Variants in PLG observed in about 807,000 individuals in gnomAD.
PLG encodes the protein plasminogen.
A neutral mutation model predicts 104.4 loss-of-function variants in PLG; 41 were observed. The observed-to-expected ratio is 0.39, with a 90% confidence interval of 0.31 to 0.51. The LOEUF is 0.51. PLG is among the 20% of genes least tolerant of loss of function. PLG has a pLI of 0.76. For missense variants in PLG, 891 were observed against 1,003.6 expected, an observed-to-expected ratio of 0.89 and a Z score of 1.52; for synonymous variants, 337 against 357.1, an observed-to-expected ratio of 0.94 and a Z score of 0.63.
chr6:160,713,419 G>A, intron 5 of PLG: 1 of 367,780 alleles, frequency 2.7e-6, no homozygotes, highest in Non-Finnish European at 5.2e-6. Flanking sequence ...ACAGGCATGT[G>A]CCACCATGCC....
rs1233355679 is a variant in PLG, at chr6:160,737,421, A to G, written c.1802+414A>G. On this transcript the variant is annotated intron_variant, in intron 14 of 18. Transcript: ENST00000308192. The surrounding 1 kb of genome is among the most constrained non-coding windows in gnomAD (Gnocchi z 4.7). ...GCAAGGACAAAATTATCTCCAGTCT[A>G]TCACAGGCACAGATTCTTTTTCTTT... 2.0e-5 allele frequency among the ~76,000 whole-genome samples: 3 copies of G among 152,222 alleles called. No individual in the cohort carries two copies. Among genetic ancestry groups the G allele is most frequent in the Non-Finnish European group, 4.4e-5 (3 of 68,048 alleles).
rs1261904934 is a variant in PLG, at chr6:160,744,288, C to G, written c.2125+2871C>G. 3.3e-5 allele frequency among the ~76,000 whole-genome samples: 5 copies of G among 152,226 alleles called. No homozygotes were observed. The East Asian group carries it at 9.6e-4, about 29-fold the overall frequency. On this transcript the variant is annotated intron_variant, in intron 17 of 18. Coordinates refer to ENST00000308192, the MANE Select transcript of PLG (RefSeq NM_000301.5). This position sits in a 1 kb window ranked among gnomAD's most constrained non-coding sequence, Gnocchi z 4.5. ...AATTCAGCTGTGAATCTATCTGGTC[C>G]TGGGCTTTTGTTGGTTAGTAGGCTA...
intron 17 of PLG, among the ~76,000 whole-genome samples, chr6:160,742,599 T>C (rs1778213298): frequency 6.6e-6 from 1 of 152,156 alleles, no homozygotes; most frequent in Admixed American, 6.5e-5. Flanking sequence ...TTCTCTAGGT[T>C]TTCCCTTTAC....
Position 160,739,298 on chromosome 6 carries a change from T to C in PLG, c.2018+90T>C, listed in dbSNP as rs1236479674. 74 of 1,524,914 alleles carry C rather than the reference T, an allele frequency of 4.9e-5. No homozygotes were observed. Among genetic ancestry groups the C allele is most frequent in the African/African-American group, 1.4e-5 (1 of 73,168 alleles). 94.5% of individuals were successfully genotyped at this position (1,524,914 alleles called of 1,614,324 possible). ...ATGGGCCATGGCCACTGCATGGCAGTGGGGAGGAACTGTCTATCACATGAA... is the reference window on the plus strand; with the variant it reads ...ATGGGCCATGGCCACTGCATGGCAGCGGGGAGGAACTGTCTATCACATGAA... On this transcript the variant is annotated intron_variant, in intron 16 of 18. Transcript: ENST00000308192. This position sits in a 1 kb window ranked among gnomAD's most constrained non-coding sequence, Gnocchi z 4.4.
In PLG at chr6:160,752,863, C is replaced by T. The variant is rs982597797; in HGVS notation, c.2272-37C>T. 7.5e-6 allele frequency: 12 copies of T among 1,610,596 alleles called. No individual in the cohort carries two copies. The African/African-American group carries it at 1.6e-4, about 22-fold the overall frequency. On this transcript the variant is annotated intron_variant, in intron 18 of 18. Coordinates refer to ENST00000308192, the MANE Select transcript of PLG (RefSeq NM_000301.5). This position sits in a 1 kb window ranked among gnomAD's most constrained non-coding sequence, Gnocchi z 4.7. ...CATCCCATAATAAAAGGCAGGCAGCCTAACCCTCACATGCATTTTTCTCTC... is the reference window on the plus strand; with the variant it reads ...CATCCCATAATAAAAGGCAGGCAGCTTAACCCTCACATGCATTTTTCTCTC...
intron 17 of PLG, among the ~76,000 whole-genome samples, chr6:160,750,530 C>T (rs1050448612): frequency 6.6e-6 from 1 of 152,230 alleles, no homozygotes; most frequent in Non-Finnish European, 1.5e-5. Flanking sequence ...CCTCACACAA[C>T]TACACAGTCC....
At chr6:160,707,626 C>A (rs572004723) in intron 2 of PLG, 74 bp from the exon 3 acceptor site, 21 of 1,415,820 alleles carry the variant, frequency 1.5e-5, no homozygotes, top group Non-Finnish European at 2.1e-5. Flanking sequence ...TTTAGCATGT[C>A]TCACTTATTA....
chr6:160,712,524 G>A (rs1466225476), intron 4 of PLG, among the ~76,000 whole-genome samples: 7 of 152,150 alleles, frequency 4.6e-5, no homozygotes, highest in Admixed American at 4.6e-4. Flanking sequence ...CTGTAAAATA[G>A]GGATAATAAC....
In PLG at chr6:160,707,691, G is replaced by C. The variant is rs371083243; in HGVS notation, c.186-9G>C. On this transcript the variant is annotated splice_polypyrimidine_tract_variant and intron_variant, in intron 2 of 18. Coordinates refer to ENST00000308192, the MANE Select transcript of PLG (RefSeq NM_000301.5). ...AAATACTTATTGGATTTCCTGCTTCGTTCTGCAGGGCATTCCAATATCACA... is the reference window on the plus strand; with the variant it reads ...AAATACTTATTGGATTTCCTGCTTCCTTCTGCAGGGCATTCCAATATCACA... 1 of 1,597,590 alleles carries C rather than the reference G, an allele frequency of 6.3e-7. No homozygotes were observed. The highest frequency in any genetic ancestry group is 8.6e-7 in the Non-Finnish European group (1 of 1,166,764).
In PLG at chr6:160,738,994, A is replaced by G. The variant is rs1778137937; in HGVS notation, c.1878-74A>G. On this transcript the variant is annotated intron_variant, in intron 15 of 18. Coordinates refer to ENST00000308192, the MANE Select transcript of PLG (RefSeq NM_000301.5). This position sits in a 1 kb window ranked among gnomAD's most constrained non-coding sequence, Gnocchi z 6.8. The stretch of plus-strand genomic sequence containing the variant: ...TGGCCAAGGGTGTCAGGGAGACAGC[A>G]CCAATTTCATGGCACAGAGGTTACC... 3 of 1,580,234 alleles carry G rather than the reference A, an allele frequency of 1.9e-6. No individual in the cohort carries two copies.
chr6:160,734,178 G>GAAGT lies in PLG; in HGVS notation c.1681+90_1681+91insAAGT. ...AAGGGCTTCTGAGCAGACTGCTTCT[G>GAAGT]GGGAGGAGATAGCTGCCCTCTCCAT... is the stretch of plus-strand genomic sequence containing the variant. On this transcript the variant is annotated intron_variant, in intron 13 of 18. Coordinates refer to ENST00000308192, the MANE Select transcript of PLG (RefSeq NM_000301.5). This position sits in a 1 kb window ranked among gnomAD's most constrained non-coding sequence, Gnocchi z 4.4. 1.3e-6 allele frequency: 1 copy of GAAGT among 740,966 alleles called. No individual in the cohort carries two copies. Among genetic ancestry groups the GAAGT allele is most frequent in the Non-Finnish European group, 2.4e-6 (1 of 409,994 alleles). The allele number at this position is 740,966 out of a possible 1,614,324, so 45.9% of individuals were successfully genotyped here.
chr6:160,713,680 CAA>C (rs1777683275), intron 5 of PLG, among the ~76,000 whole-genome samples: 1 of 152,090 alleles, frequency 6.6e-6, no homozygotes, highest in Admixed American at 6.5e-5. Context: ...GTGTTAACCC[CAA>C]GACAGGTTTG....
In PLG at chr6:160,752,160, T is replaced by C. The variant is rs1472715196; in HGVS notation, c.2171T>C (p.Ile724Thr). The C allele has an allele frequency of 6.2e-7, 1 of 1,612,324 alleles. No individual in the cohort carries two copies. The change falls in exon 18 of 19, where the codon ATT (isoleucine) becomes ACT (threonine). Residue 724 changes from isoleucine (I) to threonine (T), a missense_variant. By Grantham distance (89) the Ile-to-Thr change is moderately conservative. This residue lies in a region of PLG where 854 missense variants were observed against 932.1 expected (regional missense o/e 0.92). Coordinates refer to ENST00000308192, the MANE Select transcript of PLG (RefSeq NM_000301.5). The surrounding 1 kb of genome is among the most constrained non-coding windows in gnomAD (Gnocchi z 4.7). ...CTCAAGGAAGCCCAGCTCCCTGTGA[T>C]TGAGAATAAAGTGTGCAATCGCTAT... is the stretch of plus-strand genomic sequence containing the variant. ...GLLKEAQLPV[I>T]ENKVCNRYEF...
rs1778193508 is a variant in PLG at position 160,741,426 on chromosome 6, A to T, written c.2125+9A>T. Reference sequence around the variant, plus strand: ...CTGGGGAGAAACCCAAGGTGAGATAAATTCCATTGCCCACATAACGAATTG... The same window carrying T: ...CTGGGGAGAAACCCAAGGTGAGATATATTCCATTGCCCACATAACGAATTG... On this transcript the variant is annotated intron_variant, in intron 17 of 18. Coordinates refer to ENST00000308192, the MANE Select transcript of PLG (RefSeq NM_000301.5). The surrounding 1 kb of genome is among the most constrained non-coding windows in gnomAD (Gnocchi z 4.7). 2 of 1,521,986 alleles carry T rather than the reference A, an allele frequency of 1.3e-6. No individual in the cohort carries two copies. The highest frequency in any genetic ancestry group is 1.8e-6 in the Non-Finnish European group (2 of 1,096,044). The allele number at this position is 1,521,986 out of a possible 1,614,324, so 94.3% of individuals were successfully genotyped here.
At position 160,743,993 on chromosome 6, in the gene PLG, A is replaced by G. The variant is rs186554311; in HGVS notation, c.2125+2576A>G. ...TTTATGTATGTTGAACCAAGCTTAC[A>G]TTCTGGGGATAAAGCCTACTTGATC... On this transcript the variant is annotated intron_variant, in intron 17 of 18. Transcript: ENST00000308192. 2.2e-4 allele frequency among the ~76,000 whole-genome samples: 34 copies of G among 152,368 alleles called. No individual in the cohort carries two copies. The East Asian group carries it at 6.6e-3, about 29-fold the overall frequency.
chr6:160,718,572 T>C (rs528589207), intron 8 of PLG, 116 bp downstream of exon 8: 3 of 1,340,510 alleles, frequency 2.2e-6, no homozygotes, highest in East Asian at 2.3e-5. Context: ...AAAACTGATC[T>C]AGTCATAAGT....
At chr6:160,747,417 G>C (rs1262308471) in intron 17 of PLG, among the ~76,000 whole-genome samples, 1 of 152,148 alleles carries the variant, frequency 6.6e-6, no homozygotes, top group Non-Finnish European at 1.5e-5. Flanking sequence ...TAGGATCCCT[G>C]CTGCAGTTTC....
rs751836569 is a variant in PLG at position 160,738,584 on chromosome 6, G to C, written c.1849G>C (p.Val617Leu). ...CGGTLISPEW[V>L]LTAAHCLEKS... ...AGGCACCTTGATATCCCCAGAGTGG[G>C]TGTTGACTGCTGCCCACTGCTTGGA... Residue 617 changes from valine (V) to leucine (L), a missense_variant, in exon 15 of 19, where the codon GTG (valine) becomes CTG (leucine). By Grantham distance (32) the Val-to-Leu change is conservative. Coordinates refer to ENST00000308192, the MANE Select transcript of PLG (RefSeq NM_000301.5). This position sits in a 1 kb window ranked among gnomAD's most constrained non-coding sequence, Gnocchi z 6.8. The C allele has an allele frequency of 6.2e-7, 1 of 1,611,318 alleles. No individual in the cohort carries two copies.
intron 10 of PLG, among the ~76,000 whole-genome samples, chr6:160,727,020 T>A (rs574214723): frequency 6.6e-6 from 1 of 152,030 alleles, no homozygotes; most frequent in East Asian, 1.9e-4. Context: ...TTCATGTAAT[T>A]GATAAACCTC....
Sources: allele counts gnomAD v4.1 joint callset (sites outside exome capture counted in the v4.1 genomes callset), GRCh38; gene constraint gnomAD v4.1.1; regional missense constraint gnomAD v4.1.1; non-coding constraint Gnocchi (gnomAD v3.1); transcripts MANE v1.5; gene names NCBI Gene and HGNC (gene_info 2026-07-23, HGNC 2026-07-21).